The following NALF1 variants were observed in gnomAD, a reference collection of about 807,000 sequenced individuals.
NALF1 encodes the protein family with sequence similarity 155 member A.
In NALF1, 3 loss-of-function variants were observed where a neutral mutation model predicts 48.4. That is an observed-to-expected ratio of 0.06 (90% CI 0.03 to 0.16). The LOEUF (loss-of-function observed/expected upper bound fraction) is 0.16, where lower values mean the gene tolerates loss of function less well. Among genes scored for constraint, NALF1 ranks in the 10% least tolerant of loss-of-function variants. The pLI is 1.00. For missense variants in NALF1, 526 were observed against 571.5 expected, an observed-to-expected ratio of 0.92 and a Z score of 0.81; for synonymous variants, 262 against 245.7, an observed-to-expected ratio of 1.07 and a Z score of -0.62.
intron 2 of NALF1, among the ~76,000 whole-genome samples, chr13:107,194,045 TATCTATCTATCTATATATCA>T (rs1347472243): frequency 9.3e-5 from 11 of 117,814 alleles, no homozygotes; most frequent in Admixed American, 2.5e-4. Flanking sequence ...TCTATCTATC[TATCTATCTATCTATATATCA>T]ATCTATCGTT....
intron 1 of NALF1, among the ~76,000 whole-genome samples, chr13:107,432,991 A>T (rs1478302656): frequency 3.3e-5 from 5 of 151,774 alleles, no homozygotes; most frequent in Admixed American, 2.6e-4. Flanking sequence ...ACACCTTTTG[A>T]CTCTTTTTCC....
chr13:107,707,547 C>T (rs1222061097), intron 1 of NALF1, among the ~76,000 whole-genome samples: 1 of 152,188 alleles, frequency 6.6e-6, no homozygotes, highest in Non-Finnish European at 1.5e-5. Context: ...TCTCTGCCAA[C>T]CACAAGCACC....
At chr13:107,756,450 T>TATATATAC (rs1315578092) in intron 1 of NALF1, among the ~76,000 whole-genome samples, 2 of 150,732 alleles carry the variant, frequency 1.3e-5, no homozygotes, top group African/African-American at 4.9e-5. Flanking sequence ...TATATATATA[T>TATATATAC]ATATAAAGCA....
intron 1 of NALF1, among the ~76,000 whole-genome samples, chr13:107,828,754 TG>T (rs369778901): frequency 6.6e-6 from 1 of 152,208 alleles, no homozygotes; most frequent in African/African-American, 2.4e-5. Context: ...AAAACAATAA[TG>T]GCTTAACAAT....
intron 1 of NALF1, among the ~76,000 whole-genome samples, chr13:107,239,921 C>A (rs1260602863): frequency 1.3e-5 from 2 of 152,148 alleles, no homozygotes; most frequent in Non-Finnish European, 2.9e-5. Flanking sequence ...GGAAGGAATC[C>A]ACCACAAGGG....
intron 1 of NALF1, among the ~76,000 whole-genome samples, chr13:107,554,641 T>C (rs1046891074): frequency 3.3e-5 from 5 of 152,156 alleles, no homozygotes; most frequent in African/African-American, 9.7e-5. Context: ...CCCCATCAGA[T>C]TGGATGTATT....
At chr13:107,752,674 C>A (rs1366389125) in intron 1 of NALF1, among the ~76,000 whole-genome samples, 1 of 152,156 alleles carries the variant, frequency 6.6e-6, no homozygotes, top group East Asian at 1.9e-4. Context: ...GAAGGTCAAT[C>A]TAGTTTATTT....
At chr13:107,838,122 T>G (rs1879949849) in intron 1 of NALF1, among the ~76,000 whole-genome samples, 1 of 152,174 alleles carries the variant, frequency 6.6e-6, no homozygotes, top group Non-Finnish European at 1.5e-5. Context: ...CTAAAGAGCC[T>G]GCCATGGACC....
At chr13:107,711,826 G>GT (rs1213890322) in intron 1 of NALF1, among the ~76,000 whole-genome samples, 1 of 152,174 alleles carries the variant, frequency 6.6e-6, no homozygotes, top group Non-Finnish European at 1.5e-5. Context: ...AAGAATGTAT[G>GT]TTTTTTACTG....
intron 1 of NALF1, among the ~76,000 whole-genome samples, chr13:107,510,844 T>C (rs540302299): frequency 6.6e-6 from 1 of 152,278 alleles, no homozygotes; most frequent in East Asian, 1.9e-4. Flanking sequence ...TCCTGGCTCA[T>C]GGGATGGACT....
At chr13:107,847,547 T>G (rs1176908802) in intron 1 of NALF1, among the ~76,000 whole-genome samples, 1 of 152,184 alleles carries the variant, frequency 6.6e-6, no homozygotes, top group African/African-American at 2.4e-5. Flanking sequence ...CTGAGAAACA[T>G]TCCCCCTTGC....
chr13:107,454,859 G>A (rs1202205907), intron 1 of NALF1, among the ~76,000 whole-genome samples: 2 of 152,128 alleles, frequency 1.3e-5, no homozygotes, highest in Non-Finnish European at 2.9e-5. Context: ...GGGCCCTATA[G>A]ACTCTTTTCA....
rs59079915 is a variant in NALF1 at position 107,622,471 on chromosome 13, CAAAA to C, written c.915+243207_915+243210del. Among the ~76,000 whole-genome samples, 456 of 146,510 alleles carry C rather than the reference CAAAA, an allele frequency of 3.1e-3. 3 individuals carry two copies. The highest frequency in any genetic ancestry group is 0.011 in the African/African-American group (435 of 39,042). On this transcript the variant is annotated intron_variant, in intron 1 of 2. Coordinates refer to ENST00000375915, the MANE Select transcript of NALF1 (RefSeq NM_001080396.3). ...ACAAACAAACAAACAACAACAACAA[CAAAA>C]AAAAAAAAACAGAGAGAAAAGAAAA... is the stretch of plus-strand genomic sequence containing the variant.
intron 1 of NALF1, among the ~76,000 whole-genome samples, chr13:107,629,073 G>T (rs1333650711): frequency 6.6e-6 from 1 of 152,108 alleles, no homozygotes; most frequent in Non-Finnish European, 1.5e-5. Context: ...ACCACACAGT[G>T]TTGTGCCTGG....
intron 1 of NALF1, among the ~76,000 whole-genome samples, chr13:107,412,461 AC>A (rs1222538368): frequency 3.3e-5 from 5 of 152,126 alleles, no homozygotes; most frequent in African/African-American, 9.7e-5. Flanking sequence ...CACATCACTG[AC>A]TTGTTGTTGC....
chr13:107,461,497 C>T (rs1195362656), intron 1 of NALF1, among the ~76,000 whole-genome samples: 1 of 152,154 alleles, frequency 6.6e-6, no homozygotes, highest in Non-Finnish European at 1.5e-5. Context: ...CTGTATCAAA[C>T]TTCCAAAACT....
At chr13:107,458,638 A>T (rs763026504) in intron 1 of NALF1, among the ~76,000 whole-genome samples, 2 of 152,150 alleles carry the variant, frequency 1.3e-5, no homozygotes, top group Non-Finnish European at 2.9e-5. Flanking sequence ...AAACCCCTGG[A>T]CTTCACCACC....
At chr13:107,411,428 C>T (rs1008276072) in intron 1 of NALF1, among the ~76,000 whole-genome samples, 4 of 151,696 alleles carry the variant, frequency 2.6e-5, no homozygotes, top group African/African-American at 7.3e-5. Context: ...ACTCCCACCT[C>T]GACCCCACAA....
chr13:107,760,457 T>C (rs1487423186), intron 1 of NALF1, among the ~76,000 whole-genome samples: 1 of 151,962 alleles, frequency 6.6e-6, no homozygotes, highest in Admixed American at 6.6e-5. Context: ...CAACCGAACT[T>C]CCCCCTTCCA....
Sources: gnomAD v4.1 joint callset for allele counts (sites outside exome capture counted in the v4.1 genomes callset) on GRCh38, gnomAD v4.1.1 for gene constraint, MANE v1.5 for transcripts, NCBI Gene and HGNC (gene_info 2026-07-23, HGNC 2026-07-21) for gene names.